Variants in HPGDS observed in about 807,000 individuals in gnomAD.
HPGDS encodes the protein hematopoietic prostaglandin D synthase.
Under a neutral mutation model 23.1 loss-of-function variants are expected in HPGDS, and 26 were observed. That is an observed-to-expected ratio of 1.13 (90% CI 0.83 to 1.56). The LOEUF (loss-of-function observed/expected upper bound fraction) is 1.56. HPGDS is among the 40% of genes most tolerant of loss of function. The probability of loss-of-function intolerance (pLI) is 0.00; values close to 1 mark genes in which losing one functional copy is unlikely to be tolerated. For missense variants in HPGDS, 268 were observed against 236.4 expected (o/e 1.13, Z -0.88); for synonymous variants, 95 against 77.9 (o/e 1.22, Z -1.16).
intron 5 of HPGDS, 34 bp from the exon 6 acceptor site, chr4:94,299,678 A>C: frequency 6.3e-7 from 1 of 1,590,460 alleles, no homozygotes. Context: ...TCATTTGAAC[A>C]TAGAAAGTGT....
chr4:94,328,979 C>A (rs1756687814), intron 2 of HPGDS, among the ~76,000 whole-genome samples: 1 of 152,090 alleles, frequency 6.6e-6, no homozygotes, highest in Non-Finnish European at 1.5e-5. Flanking sequence ...TAAGTACTTA[C>A]CTTTAAGTAA....
At chr4:94,317,248 A>G (rs888185939) in intron 3 of HPGDS, among the ~76,000 whole-genome samples, 1 of 152,168 alleles carries the variant, frequency 6.6e-6, no homozygotes, top group Non-Finnish European at 1.5e-5. Context: ...AAAGGGTGTG[A>G]GAATAGTTTG....
chr4:94,325,006 A>G (rs1756599936), intron 2 of HPGDS, among the ~76,000 whole-genome samples: 1 of 152,102 alleles, frequency 6.6e-6, no homozygotes, highest in Non-Finnish European at 1.5e-5. Flanking sequence ...TTTCCTTCTA[A>G]CAGTCAGGTC....
chr4:94,333,431 T>A (rs1000851970), intron 2 of HPGDS, among the ~76,000 whole-genome samples: 2 of 152,200 alleles, frequency 1.3e-5, no homozygotes, highest in African/African-American at 4.8e-5. Flanking sequence ...GAATGTGAGC[T>A]ATCTCACACT....
chr4:94,304,359 G>A (rs534109975), intron 4 of HPGDS, among the ~76,000 whole-genome samples: 19 of 152,096 alleles, frequency 1.2e-4, no homozygotes, highest in Non-Finnish European at 2.1e-4. Flanking sequence ...AACACTAATG[G>A]TGAGTTCAAG....
intron 3 of HPGDS, among the ~76,000 whole-genome samples, chr4:94,313,494 T>C (rs1489601460): frequency 1.3e-5 from 2 of 152,258 alleles, no homozygotes; most frequent in African/African-American, 4.8e-5. Flanking sequence ...GTAGAGTTTC[T>C]GCTGAGAGAT....
chr4:94,299,511 CAG>C lies in HPGDS; in HGVS notation c.567_568del (p.Asn189LysfsTer39). 1.9e-6 allele frequency: 3 copies of C among 1,612,706 alleles called. No individual in the cohort carries two copies. The highest frequency in any genetic ancestry group is 2.5e-6 in the Non-Finnish European group (3 of 1,179,542). On this transcript the variant is annotated frameshift_variant, in exon 6 of 6. Coordinates refer to ENST00000295256, the MANE Select transcript of HPGDS (RefSeq NM_014485.3). LOFTEE classifies it high-confidence loss of function. Reference sequence around the variant, plus strand: ...TTTGGTTTGGGGCCTTCGTTTTATCCAGTTAGCGACGGCAGGAATGGCTTGGA... The same window carrying C: ...TTTGGTTTGGGGCCTTCGTTTTATCCTTAGCGACGGCAGGAATGGCTTGGA...
At chr4:94,307,927 G>T (rs1392989932) in intron 4 of HPGDS, among the ~76,000 whole-genome samples, 1 of 152,128 alleles carries the variant, frequency 6.6e-6, no homozygotes, top group Non-Finnish European at 1.5e-5. Flanking sequence ...TTGGGAGCTT[G>T]GTGAAAAGGA....
chr4:94,327,322 A>G (rs1164813859), intron 2 of HPGDS, among the ~76,000 whole-genome samples: 1 of 152,190 alleles, frequency 6.6e-6, no homozygotes, highest in African/African-American at 2.4e-5. Context: ...AGGAATTGGC[A>G]GCAGCAGTGA....
At chr4:94,314,837 G>T (rs1484713963) in intron 3 of HPGDS, among the ~76,000 whole-genome samples, 2 of 152,178 alleles carry the variant, frequency 1.3e-5, no homozygotes, top group Non-Finnish European at 1.5e-5. Flanking sequence ...CCTCAGCAAT[G>T]GTGGGCACCC....
intron 2 of HPGDS, among the ~76,000 whole-genome samples, chr4:94,321,407 C>A (rs1019511789): frequency 2.6e-5 from 4 of 152,114 alleles, no homozygotes; most frequent in Non-Finnish European, 5.9e-5. Context: ...ATGGAATGTT[C>A]TTCCATTTGT....
At position 94,308,738 on chromosome 4, in the gene HPGDS, C is replaced by T. The variant is rs573846334; in HGVS notation, c.232G>A (p.Ala78Thr). The change falls in exon 4 of 6, where the codon GCT becomes ACT. Residue 78 changes from alanine to threonine, a missense_variant. Ala to Thr is a moderately conservative substitution (Grantham distance 58). Transcript: ENST00000295256. ...CATTGTTCCATTTCTGTGTTTCCAG[C>T]CAAATCTGTGGAATAGAGAGAGGCC... ...ARYLTKNTDLAGNTEMEQCHV... is the reference protein window; with the variant it reads ...ARYLTKNTDLTGNTEMEQCHV... 1 of 1,574,358 alleles carries T rather than the reference C, an allele frequency of 6.4e-7. No individual in the cohort carries two copies. Among genetic ancestry groups the T allele is most frequent in the East Asian group, 2.3e-5 (1 of 44,378 alleles).
At chr4:94,315,814 G>A (rs1756385691) in intron 3 of HPGDS, among the ~76,000 whole-genome samples, 1 of 152,146 alleles carries the variant, frequency 6.6e-6, no homozygotes, top group East Asian at 1.9e-4. Flanking sequence ...ATAGTCTTCA[G>A]AATTCTTCAC....
At chr4:94,310,435 G>T (rs1560586118) in intron 3 of HPGDS, among the ~76,000 whole-genome samples, 1 of 152,148 alleles carries the variant, frequency 6.6e-6, no homozygotes, top group Non-Finnish European at 1.5e-5. Context: ...AAGATCAGAT[G>T]GTTGTAGATG....
In HPGDS at chr4:94,298,812, ACT is replaced by A. The variant is rs1167821857; in HGVS notation, c.*666_*667del. 6.6e-6 allele frequency: 1 copy of A among 151,178 alleles called. No homozygotes were observed. Among genetic ancestry groups the A allele is most frequent in the Non-Finnish European group, 1.5e-5 (1 of 67,748 alleles). The allele number at this position is 151,178 out of a possible 1,614,324, so 9.4% of individuals were successfully genotyped here. Reference sequence around the variant, plus strand: ...CCCACAGTCAGCTCTTTTCTCGATAACTCTTTATATTCAGTTTGAATTTCATT... The same window carrying A: ...CCCACAGTCAGCTCTTTTCTCGATAACTTTATATTCAGTTTGAATTTCATT... On this transcript the variant is annotated 3_prime_UTR_variant, in exon 6 of 6. Transcript: ENST00000295256.
chr4:94,320,900 G>A (rs374645358), intron 2 of HPGDS, among the ~76,000 whole-genome samples: 11 of 152,036 alleles, frequency 7.2e-5, no homozygotes, highest in Non-Finnish European at 1.0e-4. Flanking sequence ...TTTTAGGTCT[G>A]ACATTGAAGT....
At chr4:94,313,039 G>T (rs879758072) in intron 3 of HPGDS, among the ~76,000 whole-genome samples, 6 of 149,596 alleles carry the variant, frequency 4.0e-5, no homozygotes, top group East Asian at 1.9e-4. Flanking sequence ...GTCTCTGCAC[G>T]TGAGATGGGT....
At chr4:94,311,290 T>C (rs1756266015) in intron 3 of HPGDS, among the ~76,000 whole-genome samples, 1 of 151,550 alleles carries the variant, frequency 6.6e-6, no homozygotes, top group South Asian at 2.1e-4. Context: ...AGATAGCTCT[T>C]ACTATTTTGA....
intron 2 of HPGDS, among the ~76,000 whole-genome samples, chr4:94,319,951 C>T (rs1342298785): frequency 2.0e-5 from 3 of 152,092 alleles, no homozygotes; most frequent in Non-Finnish European, 1.5e-5. Context: ...GTGATGTTCC[C>T]CATCCTGTGT....
Sources: gnomAD v4.1 joint callset for allele counts (sites outside exome capture counted in the v4.1 genomes callset) on GRCh38, gnomAD v4.1.1 for gene constraint, MANE v1.5 for transcripts, NCBI Gene and HGNC (gene_info 2026-07-23, HGNC 2026-07-21) for gene names.